The following PCDH15 variants were observed in gnomAD, a reference collection of about 807,000 sequenced individuals.
PCDH15 encodes protocadherin related 15, also known as protocadherin-15.
A neutral mutation model predicts 178.5 loss-of-function variants in PCDH15; 129 were observed. The ratio of observed to expected loss-of-function variants is 0.72; its 90% CI spans 0.63 to 0.84. The LOEUF (loss-of-function observed/expected upper bound fraction) is 0.84. Ranked by LOEUF, PCDH15 falls within the 40% of genes least tolerant of loss-of-function variation. PCDH15 has a pLI of 0.00. For synonymous variants in PCDH15, 800 were observed against 732.0 expected (o/e 1.09, Z -1.50); for missense variants, 2,230 against 2,099.9 (o/e 1.06, Z -1.21).
At chr10:55,200,793 G>A (rs1304666359) in intron 1 of PCDH15, among the ~76,000 whole-genome samples, 1 of 152,040 alleles carries the variant, frequency 6.6e-6, no homozygotes, top group Non-Finnish European at 1.5e-5. Context: ...GTTTGAAAGT[G>A]TGTAGTGCTC....
At chr10:54,855,495 C>T (rs1953723737) in intron 3 of PCDH15, among the ~76,000 whole-genome samples, 1 of 152,114 alleles carries the variant, frequency 6.6e-6, no homozygotes, top group Admixed American at 6.6e-5. Flanking sequence ...TTCATAGCAT[C>T]CTGCATCAAA....
intron 15 of PCDH15, among the ~76,000 whole-genome samples, chr10:54,125,990 G>A (rs1211472776): frequency 6.6e-6 from 1 of 151,046 alleles, no homozygotes; most frequent in African/African-American, 2.4e-5. Flanking sequence ...GTACCTTCTT[G>A]TTCACCCTAA....
rs1233474892 is a variant in PCDH15 at position 55,359,745 on chromosome 10, TATAC to T, written c.-155-193098_-155-193095del. On this transcript the variant is annotated intron_variant, in intron 2 of 5. Coordinates refer to the PCDH15 transcript ENST00000613346. ...GTATATATATATATATATATATATATATACACACACACACACACACACACACATA... is the reference window on the plus strand; with the variant it reads ...GTATATATATATATATATATATATATACACACACACACACACACACACATA... Among the ~76,000 whole-genome samples, 392 of 131,722 alleles carry T rather than the reference TATAC, an allele frequency of 3.0e-3. 1 individual carries two copies. The highest frequency in any genetic ancestry group is 6.6e-3 in the African/African-American group (220 of 33,300). 86.4% of individuals were successfully genotyped at this position (131,722 alleles called of 152,430 possible).
At chr10:54,061,151 G>A (rs2094005292) in intron 18 of PCDH15, among the ~76,000 whole-genome samples, 2 of 152,170 alleles carry the variant, frequency 1.3e-5, no homozygotes, top group Non-Finnish European at 2.9e-5. Context: ...CTCCCCCAAA[G>A]ACTTGGGATC....
chr10:54,800,231 T>C (rs1017009104), intron 1 of PCDH15, among the ~76,000 whole-genome samples: 1 of 152,156 alleles, frequency 6.6e-6, no homozygotes, highest in Non-Finnish European at 1.5e-5. Context: ...GCTACCAAAG[T>C]ATATTTTTTA....
chr10:54,324,674 G>C (rs2061824619), intron 7 of PCDH15, among the ~76,000 whole-genome samples: 1 of 152,046 alleles, frequency 6.6e-6, no homozygotes, highest in Admixed American at 6.6e-5. Context: ...GGCTGAGTTA[G>C]GAGAATCATG....
chr10:55,340,548 AT>A (rs1329332289), intron 2 of PCDH15, among the ~76,000 whole-genome samples: 1 of 151,994 alleles, frequency 6.6e-6, no homozygotes, highest in African/African-American at 2.4e-5. Flanking sequence ...GCCTTTGAGA[AT>A]TTTTTTAATT....
chr10:54,892,047 A>G (rs1296866212), intron 3 of PCDH15, among the ~76,000 whole-genome samples: 4 of 152,088 alleles, frequency 2.6e-5, no homozygotes, highest in African/African-American at 9.7e-5. Flanking sequence ...GTTATACAAT[A>G]CCTGACACTT....
At chr10:53,982,784 A>G (rs541749080) in intron 21 of PCDH15, among the ~76,000 whole-genome samples, 2 of 152,074 alleles carry the variant, frequency 1.3e-5, no homozygotes, top group East Asian at 3.9e-4. Context: ...ACTAACCTGC[A>G]CATTGTGCAC....
chr10:55,116,365 A>G (rs950347363), intron 2 of PCDH15, among the ~76,000 whole-genome samples: 7 of 152,134 alleles, frequency 4.6e-5, no homozygotes, highest in Admixed American at 4.6e-4. Flanking sequence ...CATTTTGAAT[A>G]TCAAAATGTT....
At chr10:54,712,751 G>C (rs1409395370) in intron 1 of PCDH15, among the ~76,000 whole-genome samples, 1 of 151,922 alleles carries the variant, frequency 6.6e-6, no homozygotes, top group Non-Finnish European at 1.5e-5. Flanking sequence ...CTAACCAACT[G>C]GGTTGAAGAT....
chr10:55,372,294 T>C (rs1845524594), intron 2 of PCDH15, among the ~76,000 whole-genome samples: 1 of 152,102 alleles, frequency 6.6e-6, no homozygotes, highest in Non-Finnish European at 1.5e-5. Context: ...TTCCTCTTGT[T>C]TCCACCTGCA....
chr10:54,215,459 G>A (rs896461905), intron 9 of PCDH15, among the ~76,000 whole-genome samples: 8 of 152,252 alleles, frequency 5.3e-5, no homozygotes, highest in East Asian at 3.9e-4. Context: ...CCTAATAGGA[G>A]AGTCATACAG....
At chr10:55,061,942 C>T (rs936592598) in intron 2 of PCDH15, among the ~76,000 whole-genome samples, 3 of 152,228 alleles carry the variant, frequency 2.0e-5, no homozygotes, top group Non-Finnish European at 4.4e-5. Context: ...ATCACTTGAA[C>T]CCGGGATGGG....
intron 13 of PCDH15, among the ~76,000 whole-genome samples, chr10:54,181,426 C>T (rs955501555): frequency 5.3e-5 from 8 of 151,956 alleles, no homozygotes; most frequent in Non-Finnish European, 1.0e-4. Flanking sequence ...GGGGTACATA[C>T]GCAAGTTTAT....
At position 54,774,641 on chromosome 10, in the gene PCDH15, G is replaced by A. The variant is rs1357341790; in HGVS notation, c.-29+26284C>T. 2.0e-5 allele frequency among the ~76,000 whole-genome samples: 3 copies of A among 152,050 alleles called. 1 individual carries two copies. Among genetic ancestry groups the A allele is most frequent in the South Asian group, 4.2e-4 (2 of 4,814 alleles). On this transcript the variant is annotated intron_variant, in intron 1 of 37. Transcript: ENST00000644397. ...CTCTGTATACTTAAATTCACCAGTG[G>A]TTAGTTATCCCAGGCAGTATTACCT...
At chr10:54,600,262 A>C (rs372351221) in intron 2 of PCDH15, 9 of 549,524 alleles carry the variant, frequency 1.6e-5, no homozygotes, top group African/African-American at 1.2e-4. Flanking sequence ...AAAGAGGAGA[A>C]AGTGGGAGGA....
intron 2 of PCDH15, among the ~76,000 whole-genome samples, chr10:55,602,546 C>T (rs1448049767): frequency 7.9e-5 from 12 of 152,180 alleles, no homozygotes; most frequent in East Asian, 3.9e-4. Flanking sequence ...GATCTGAGAA[C>T]AGGCAGACTG....
chr10:55,509,064 G>A (rs375665704), intron 2 of PCDH15, among the ~76,000 whole-genome samples: 2 of 151,634 alleles, frequency 1.3e-5, no homozygotes, highest in East Asian at 3.9e-4. Context: ...GCAAATACAT[G>A]ACAGACAGTC....
Sources: allele counts gnomAD v4.1 joint callset (sites outside exome capture counted in the v4.1 genomes callset), GRCh38; gene constraint gnomAD v4.1.1; transcripts MANE v1.5; gene names NCBI Gene and HGNC (gene_info 2026-07-23, HGNC 2026-07-21).